TGFB2: variants seen among roughly 807,000 people sequenced by gnomAD.
TGFB2 encodes the protein transforming growth factor beta-2 proprotein.
Under a neutral mutation model 42.7 loss-of-function variants are expected in TGFB2, and 13 were observed. That is an observed-to-expected ratio of 0.30 (90% CI 0.20 to 0.48). The LOEUF is 0.48. Ranked by LOEUF, TGFB2 falls within the 20% of genes least tolerant of loss-of-function variation. The probability of loss-of-function intolerance (pLI) is 0.99; values close to 1 mark genes in which losing one functional copy is unlikely to be tolerated. For synonymous variants in TGFB2, 193 were observed against 193.6 expected (o/e 1.00, Z 0.03); for missense variants, 390 against 517.5 (o/e 0.75, Z 2.39).
rs971049391 is a variant in TGFB2 at position 218,443,412 on chromosome 1, T to C, written c.*2050T>C. The C allele has an allele frequency of 2.0e-5, 3 of 152,240 alleles. No homozygotes were observed. In the South Asian group the frequency reaches 6.2e-4, roughly 31 times the overall value. 9.4% of individuals were successfully genotyped at this position (152,240 alleles called of 1,614,324 possible). ...TTGTTTGATATGGTCTACTTCTTTT[T>C]TGGAATTTCCTGACCATTAATTAAA... is the stretch of plus-strand genomic sequence containing the variant. On this transcript the variant is annotated 3_prime_UTR_variant, in exon 7 of 7. Transcript: ENST00000366930.
chr1:218,379,122 C>A (rs998099568), intron 1 of TGFB2, among the ~76,000 whole-genome samples: 1 of 91,834 alleles, frequency 1.1e-5, no homozygotes, highest in East Asian at 3.1e-4. Context: ...CATTTTCTTT[C>A]TTTCTTTCTT....
In TGFB2 at chr1:218,354,273, C is replaced by T. The variant is rs11466373; in HGVS notation, c.346+7226C>T. 4.5e-3 allele frequency among the ~76,000 whole-genome samples: 687 copies of T among 152,152 alleles called. 5 individuals are homozygous for T. Among genetic ancestry groups the T allele is most frequent in the African/African-American group, 0.015 (642 of 41,510 alleles). ...AAAGAGGTGTCAGGGCCAGGAGATG[C>T]GGAGAGATGAAATGTTCTGACCTTC... On this transcript the variant is annotated intron_variant, in intron 1 of 6. Coordinates refer to ENST00000366930, the MANE Select transcript of TGFB2 (RefSeq NM_003238.6).
At chr1:218,428,011 T>G (rs1659681550) in intron 2 of TGFB2, among the ~76,000 whole-genome samples, 1 of 152,212 alleles carries the variant, frequency 6.6e-6, no homozygotes, top group South Asian at 2.1e-4. Context: ...TCCTGACTTT[T>G]TAATGACTGC....
intron 1 of TGFB2, among the ~76,000 whole-genome samples, chr1:218,360,940 C>T (rs548447395): frequency 1.4e-4 from 21 of 152,250 alleles, no homozygotes; most frequent in Non-Finnish European, 2.8e-4. Context: ...CTGCAACCTC[C>T]GCCTCCTGGG....
At chr1:218,421,385 T>A (rs988263069) in intron 2 of TGFB2, among the ~76,000 whole-genome samples, 1 of 151,156 alleles carries the variant, frequency 6.6e-6, no homozygotes, top group Admixed American at 6.6e-5. Context: ...TTTTTTTTTT[T>A]TTTATCACTA....
Position 218,405,349 on chromosome 1 carries a change from G to GTTGTTT in TGFB2, c.510+22_510+23insTTTGTT. The GTTGTTT allele has an allele frequency of 6.2e-7, 1 of 1,603,766 alleles. No homozygotes were observed. Among genetic ancestry groups the GTTGTTT allele is most frequent in the Non-Finnish European group, 8.5e-7 (1 of 1,174,176 alleles). On this transcript the variant is annotated intron_variant, in intron 2 of 6. Coordinates refer to ENST00000366930, the MANE Select transcript of TGFB2 (RefSeq NM_003238.6). ...CTATATCAGGTAATGTTCATTTGTT[G>GTTGTTT]TTGTTGTTGTTGTTGTTGTTGTTGT...
At chr1:218,363,536 G>A in intron 1 of TGFB2, 6 of 973,392 alleles carry the variant, frequency 6.2e-6, no homozygotes, top group Non-Finnish European at 9.4e-6. Context: ...ATGCAGCCTT[G>A]TACCTGAGCG....
At chr1:218,364,481 C>T in intron 1 of TGFB2, among the ~76,000 whole-genome samples, 1 of 152,218 alleles carries the variant, frequency 6.6e-6, no homozygotes, top group East Asian at 1.9e-4. Flanking sequence ...AAAGTTATCC[C>T]TGAACCATGC....
chr1:218,379,133 T>TC (rs200091565), intron 1 of TGFB2, among the ~76,000 whole-genome samples: 1,647 of 149,928 alleles, frequency 0.011, 47 homozygotes, highest in African/African-American at 0.036. Flanking sequence ...TTTCTTTCTT[T>TC]TTTTTTTTTC....
At chr1:218,417,076 T>C (rs1659305748) in intron 2 of TGFB2, among the ~76,000 whole-genome samples, 1 of 152,198 alleles carries the variant, frequency 6.6e-6, no homozygotes, top group South Asian at 2.1e-4. Context: ...GGGGTGCTGC[T>C]GAAAAGATAC....
intron 2 of TGFB2, among the ~76,000 whole-genome samples, chr1:218,429,775 G>T (rs1659747971): frequency 6.6e-6 from 1 of 152,068 alleles, no homozygotes; most frequent in South Asian, 2.1e-4. Context: ...TTTACTTTTG[G>T]TCCTGCATTT....
At chr1:218,402,550 A>C (rs1273822932) in intron 1 of TGFB2, among the ~76,000 whole-genome samples, 1 of 152,142 alleles carries the variant, frequency 6.6e-6, no homozygotes, top group Non-Finnish European at 1.5e-5. Flanking sequence ...GGGGGAAAAA[A>C]ATGGTCCAAA....
chr1:218,368,470 T>A (rs1035515152), intron 1 of TGFB2, among the ~76,000 whole-genome samples: 4 of 152,230 alleles, frequency 2.6e-5, no homozygotes, highest in African/African-American at 9.6e-5. Flanking sequence ...TTTACTTGTA[T>A]CAGGCAGCAG....
chr1:218,394,411 C>A (rs887895876), intron 1 of TGFB2, among the ~76,000 whole-genome samples: 2 of 152,194 alleles, frequency 1.3e-5, no homozygotes, highest in African/African-American at 2.4e-5. Flanking sequence ...AAACTGGAAA[C>A]CCCATGTCTG....
chr1:218,369,551 C>T (rs1027524987), intron 1 of TGFB2, among the ~76,000 whole-genome samples: 12 of 152,152 alleles, frequency 7.9e-5, no homozygotes, highest in African/African-American at 2.9e-4. Flanking sequence ...TTCTGAGGAG[C>T]AGCCAGTTCT....
At chr1:218,374,574 T>C (rs1348450960) in intron 1 of TGFB2, among the ~76,000 whole-genome samples, 1 of 152,230 alleles carries the variant, frequency 6.6e-6, no homozygotes, top group East Asian at 1.9e-4. Context: ...TTTTAAAAAA[T>C]CTTATCATCA....
intron 2 of TGFB2, among the ~76,000 whole-genome samples, chr1:218,431,349 T>C (rs1659801355): frequency 6.6e-6 from 1 of 152,208 alleles, no homozygotes; most frequent in Non-Finnish European, 1.5e-5. Flanking sequence ...TCTTTCCAAG[T>C]AAGATAATCT....
intron 2 of TGFB2, among the ~76,000 whole-genome samples, chr1:218,425,511 C>T (rs946608397): frequency 1.3e-5 from 2 of 152,112 alleles, no homozygotes; most frequent in Non-Finnish European, 2.9e-5. Context: ...CCGACCTGGT[C>T]TTCTGTTTCT....
intron 2 of TGFB2, among the ~76,000 whole-genome samples, chr1:218,414,156 G>A (rs1440075096): frequency 6.6e-6 from 1 of 151,998 alleles, no homozygotes; most frequent in African/African-American, 2.4e-5. Context: ...TGGGGTTTTT[G>A]TCATACCAGG....
Sources: allele counts gnomAD v4.1 joint callset (sites outside exome capture counted in the v4.1 genomes callset), GRCh38; gene constraint gnomAD v4.1.1; transcripts MANE v1.5; gene names NCBI Gene and HGNC (gene_info 2026-07-23, HGNC 2026-07-21).